TRPC5: variants seen among roughly 807,000 people sequenced by gnomAD.
The protein encoded by TRPC5 is short transient receptor potential channel 5.
Under a neutral mutation model 56.5 loss-of-function variants are expected in TRPC5, and 9 were observed. The ratio of observed to expected loss-of-function variants is 0.16; its 90% confidence interval spans 0.10 to 0.28. TRPC5 has a LOEUF of 0.28. TRPC5 is among the 10% of genes least tolerant of loss of function. The pLI, the probability that TRPC5 is intolerant of heterozygous loss-of-function variation, is 1.00. For synonymous variants in TRPC5, 282 were observed against 278.5 expected (o/e 1.01, Z -0.13); for missense variants, 469 against 748.9 (o/e 0.63, Z 4.36).
intron 7 of TRPC5, among the ~76,000 whole-genome samples, chrX:111,801,441 A>G (rs1276164519): frequency 8.9e-6 from 1 of 111,884 alleles, no homozygotes; most frequent in African/African-American, 3.2e-5. Flanking sequence ...GTCATATGAT[A>G]ACTTTAACTA....
intron 1 of TRPC5, among the ~76,000 whole-genome samples, chrX:112,061,326 G>C (rs1325831378): frequency 8.9e-6 from 1 of 111,943 alleles, no homozygotes; most frequent in East Asian, 2.8e-4. Context: ...TGGTGTACAA[G>C]TCCTGGGGGT....
At position 112,073,999 on chromosome X, in the gene TRPC5, A is replaced by G. The variant is rs187669742; in HGVS notation, c.-22+7880T>C. 2.0e-4 allele frequency among the ~76,000 whole-genome samples: 22 copies of G among 112,138 alleles called. No homozygotes were observed. In the Admixed American group the frequency reaches 2.0e-3, roughly 10 times the overall value. On this transcript the variant is annotated intron_variant, in intron 1 of 10. Coordinates refer to ENST00000262839, the MANE Select transcript of TRPC5 (RefSeq NM_012471.3). The stretch of plus-strand genomic sequence containing the variant: ...CAGCAATAACAACAGTATAACAGTT[A>G]ACGTGCACATGTTTACTCTGGCCAG...
chrX:112,051,397 C>T (rs1014048672), intron 1 of TRPC5, among the ~76,000 whole-genome samples: 1 of 111,429 alleles, frequency 9.0e-6, no homozygotes, highest in African/African-American at 3.3e-5. Context: ...TGCTGAAACC[C>T]TGCCTAATAA....
At position 111,768,175 on chromosome X, in the gene TRPC5, T is replaced by G. The variant is rs1945824202; in HGVS notation, c.*8138A>C. Among the ~76,000 whole-genome samples the G allele has an allele frequency of 8.9e-6, 1 of 112,528 alleles. No individual in the cohort carries two copies. Among genetic ancestry groups the G allele is most frequent in the African/African-American group, 3.2e-5 (1 of 31,045 alleles). ...TAGTTATTCAAAGAGATTTCCACTT[T>G]GAAAATAGTCTTCAAAGCCAGTGTC... On this transcript the variant is annotated 3_prime_UTR_variant, in exon 11 of 11. Transcript: ENST00000262839.
chrX:111,989,418 A>G (rs1164979041), intron 1 of TRPC5, among the ~76,000 whole-genome samples: 5 of 111,713 alleles, frequency 4.5e-5, no homozygotes, highest in Non-Finnish European at 9.4e-5. Flanking sequence ...TCTTTAGCAC[A>G]TAAGACCATG....
chrX:111,864,049 C>T (rs889535707), intron 3 of TRPC5, among the ~76,000 whole-genome samples: 90 of 111,094 alleles, frequency 8.1e-4, no homozygotes, highest in South Asian at 1.9e-3. Flanking sequence ...TGCAGTGGCG[C>T]GATCTCAGCT....
chrX:112,005,463 TAA>T (rs745973541), intron 1 of TRPC5, among the ~76,000 whole-genome samples: 51 of 66,241 alleles, frequency 7.7e-4, no homozygotes, highest in Non-Finnish European at 6.6e-4. Flanking sequence ...AACCTAAAAG[TAA>T]AAAAAAAAAA....
At chrX:111,783,709 T>C (rs1294205496) in intron 7 of TRPC5, among the ~76,000 whole-genome samples, 1 of 111,073 alleles carries the variant, frequency 9.0e-6, no homozygotes, top group African/African-American at 3.3e-5. Context: ...GTCTGTATCT[T>C]GTCTTTTCAT....
chrX:111,967,868 C>T (rs1224694004), intron 1 of TRPC5, among the ~76,000 whole-genome samples: 1 of 111,840 alleles, frequency 8.9e-6, no homozygotes, highest in African/African-American at 3.3e-5. Context: ...ACCATAACAA[C>T]CCTAGAAGAA....
intron 7 of TRPC5, among the ~76,000 whole-genome samples, chrX:111,789,725 AG>A (rs1403982596): frequency 1.8e-5 from 2 of 112,534 alleles, no homozygotes; most frequent in Non-Finnish European, 3.7e-5. Flanking sequence ...ACAAGAAAAA[AG>A]CAACCCCATC....
intron 7 of TRPC5, among the ~76,000 whole-genome samples, chrX:111,787,625 C>A (rs1164995956): frequency 9.2e-6 from 1 of 108,295 alleles, no homozygotes; most frequent in East Asian, 2.8e-4. Flanking sequence ...AATCCAGAAG[C>A]TGGTTTTTTG....
intron 7 of TRPC5, among the ~76,000 whole-genome samples, chrX:111,795,792 A>G (rs1000990625): frequency 9.0e-6 from 1 of 111,567 alleles, no homozygotes; most frequent in Non-Finnish European, 1.9e-5. Context: ...ATTTCTTCAA[A>G]TATTCTTTCT....
At position 111,920,659 on chromosome X, in the gene TRPC5, C is replaced by T. The variant is rs1346605723; in HGVS notation, c.379-7847G>A. 2.7e-5 allele frequency among the ~76,000 whole-genome samples: 3 copies of T among 110,867 alleles called. No homozygotes were observed. In the Admixed American group the frequency reaches 2.9e-4, roughly 11 times the overall value. ...TAACAATATCTGGAGCTGTCCTGAG[C>T]GGGGGGTATTTACATTTTAACTGGT... On this transcript the variant is annotated intron_variant, in intron 2 of 10. Coordinates refer to ENST00000262839, the MANE Select transcript of TRPC5 (RefSeq NM_012471.3).
In TRPC5 at chrX:111,779,857, A is replaced by G. The variant is rs181385472; in HGVS notation, c.2143-783T>C. On this transcript the variant is annotated intron_variant, in intron 9 of 10. Transcript: ENST00000262839. ...CAAGGCCAATGGTATTGCTTCTGCTACTATGTGTACTTGAGGAACTCACTG... is the reference window on the plus strand; with the variant it reads ...CAAGGCCAATGGTATTGCTTCTGCTGCTATGTGTACTTGAGGAACTCACTG... Among the ~76,000 whole-genome samples, 150 of 112,134 alleles carry G rather than the reference A, an allele frequency of 1.3e-3. 1 individual carries two copies. The highest frequency in any genetic ancestry group is 2.3e-3 in the Non-Finnish European group (124 of 53,225).
intron 3 of TRPC5, among the ~76,000 whole-genome samples, chrX:111,900,779 G>T (rs146755254): frequency 0.015 from 1,642 of 111,690 alleles, 24 homozygotes; most frequent in African/African-American, 0.051. Context: ...AAATATGAGT[G>T]ATATCAAAAT....
At chrX:111,975,326 G>GAA (rs780077724) in intron 1 of TRPC5, among the ~76,000 whole-genome samples, 12 of 90,422 alleles carry the variant, frequency 1.3e-4, no homozygotes, top group African/African-American at 2.3e-4. Context: ...TCACTAAATA[G>GAA]AAAAAAAAAA....
intron 3 of TRPC5, among the ~76,000 whole-genome samples, chrX:111,909,983 G>A (rs1330289947): frequency 9.0e-6 from 1 of 111,704 alleles, no homozygotes; most frequent in African/African-American, 3.3e-5. Context: ...ATATGAGCAA[G>A]TGGAGTCAAG....
chrX:111,898,310 T>C (rs1427919446), intron 3 of TRPC5, among the ~76,000 whole-genome samples: 1 of 100,266 alleles, frequency 1.0e-5, no homozygotes, highest in Non-Finnish European at 2.0e-5. Flanking sequence ...CACACACACA[T>C]ATATCTGACA....
intron 7 of TRPC5, among the ~76,000 whole-genome samples, chrX:111,796,702 T>A (rs1323540149): frequency 1.8e-5 from 2 of 111,638 alleles, no homozygotes; most frequent in Non-Finnish European, 3.8e-5. Flanking sequence ...TTTAAAACTC[T>A]GCCTTGGCCT....
Sources: allele counts gnomAD v4.1 joint callset (sites outside exome capture counted in the v4.1 genomes callset), GRCh38; gene constraint gnomAD v4.1.1; transcripts MANE v1.5; gene names NCBI Gene and HGNC (gene_info 2026-07-23, HGNC 2026-07-21).